RYK: variants seen among roughly 807,000 people sequenced by gnomAD.
RYK encodes the protein inactive tyrosine-protein kinase RYK.
In RYK, 21 loss-of-function variants were observed where a neutral mutation model predicts 70.2. The observed-to-expected ratio is 0.30, with a 90% confidence interval of 0.21 to 0.43. RYK has a LOEUF of 0.43. RYK is among the 20% of genes least tolerant of loss of function. The probability of loss-of-function intolerance (pLI) is 1.00; values close to 1 mark genes in which losing one functional copy is unlikely to be tolerated. For synonymous variants in RYK, 267 were observed against 278.0 expected (o/e 0.96, Z 0.39); for missense variants, 604 against 753.3 (o/e 0.80, Z 2.32).
At position 134,209,790 on chromosome 3, in the gene RYK, G is replaced by C; in HGVS notation, c.494C>G (p.Ser165Cys). Residue 165 changes from serine (S) to cysteine (C), a missense_variant, in exon 4 of 15, where the codon TCT becomes TGT. Physicochemically the swap from Ser to Cys is moderately radical, Grantham distance 112. Transcript: ENST00000623711. Reference protein sequence around the residue: ...VELSCTGKVDSEVMILMQLNL... With the variant: ...VELSCTGKVDCEVMILMQLNL... ...GAGCTGCATTAGTATCATAACTTCA[G>C]AATCTACTTTGCCAGTACAGGAAAG... The C allele has an allele frequency of 6.6e-7, 1 of 1,515,468 alleles. No homozygotes were observed. The highest frequency in any genetic ancestry group is 8.8e-7 in the Non-Finnish European group (1 of 1,133,820). The allele number at this position is 1,515,468 out of a possible 1,614,324, so 93.9% of individuals were successfully genotyped here.
At chr3:134,205,572 G>A (rs919319315) in intron 5 of RYK, among the ~76,000 whole-genome samples, 3 of 152,114 alleles carry the variant, frequency 2.0e-5, no homozygotes, top group Admixed American at 1.3e-4. Context: ...CCAAGGATAC[G>A]GCTCTGCTGG....
chr3:134,246,707 C>T (rs1020460575), intron 1 of RYK, among the ~76,000 whole-genome samples: 2 of 152,150 alleles, frequency 1.3e-5, no homozygotes, highest in Non-Finnish European at 2.9e-5. Context: ...AGGATAGATA[C>T]ATTCAGACAT....
chr3:134,189,193 G>A (rs975746912), intron 8 of RYK, among the ~76,000 whole-genome samples: 3 of 152,178 alleles, frequency 2.0e-5, no homozygotes, highest in African/African-American at 7.2e-5. Flanking sequence ...ATAAACTAAT[G>A]ATATAGCCAG....
At chr3:134,174,128 G>A (rs72986403) in intron 13 of RYK, among the ~76,000 whole-genome samples, 1 of 152,138 alleles carries the variant, frequency 6.6e-6, no homozygotes, top group Non-Finnish European at 1.5e-5. Context: ...TTGGAACAGA[G>A]GGATGGAACC....
intron 10 of RYK, among the ~76,000 whole-genome samples, chr3:134,182,514 CT>C (rs1167463774): frequency 1.3e-5 from 2 of 152,026 alleles, no homozygotes; most frequent in Admixed American, 6.6e-5. Flanking sequence ...ATACCTGTAT[CT>C]AGAGATATGT....
chr3:134,205,129 T>C (rs1264291180), intron 5 of RYK, among the ~76,000 whole-genome samples: 5 of 152,050 alleles, frequency 3.3e-5, no homozygotes, highest in Non-Finnish European at 7.4e-5. Context: ...AAGATAAAAA[T>C]AAGCAGGTTG....
chr3:134,244,411 G>A (rs575037645), intron 1 of RYK, among the ~76,000 whole-genome samples: 1 of 152,250 alleles, frequency 6.6e-6, no homozygotes, highest in Admixed American at 6.5e-5. Flanking sequence ...TTGAGTTTTT[G>A]GTTAATTGCA....
intron 1 of RYK, among the ~76,000 whole-genome samples, chr3:134,243,569 C>T (rs1392710227): frequency 6.6e-6 from 1 of 152,182 alleles, no homozygotes; most frequent in African/African-American, 2.4e-5. Flanking sequence ...TGTGGCGCTC[C>T]ATGGCTTTGC....
intron 7 of RYK, among the ~76,000 whole-genome samples, chr3:134,193,848 CT>C (rs1188590629): frequency 6.6e-6 from 1 of 152,152 alleles, no homozygotes; most frequent in Non-Finnish European, 1.5e-5. Flanking sequence ...TTCCTGTAAA[CT>C]GTAAGTCAGG....
intron 1 of RYK, among the ~76,000 whole-genome samples, chr3:134,236,979 C>G (rs1159151999): frequency 2.0e-5 from 3 of 152,070 alleles, no homozygotes; most frequent in Non-Finnish European, 4.4e-5. Context: ...CCAATTCCAG[C>G]AAAGGAAAAA....
At chr3:134,167,355 G>T (rs2012708954) in intron 13 of RYK, among the ~76,000 whole-genome samples, 1 of 152,102 alleles carries the variant, frequency 6.6e-6, no homozygotes. Context: ...ATACTACAAG[G>T]CTACAGTAAC....
intron 9 of RYK, among the ~76,000 whole-genome samples, chr3:134,188,422 A>C (rs749275732): frequency 1.2e-4 from 18 of 152,092 alleles, no homozygotes; most frequent in Non-Finnish European, 2.4e-4. Flanking sequence ...TCGGCCTCCC[A>C]AAGTGCCGGG....
intron 1 of RYK, among the ~76,000 whole-genome samples, chr3:134,231,396 C>G (rs1462192137): frequency 6.6e-6 from 1 of 152,152 alleles, no homozygotes; most frequent in Non-Finnish European, 1.5e-5. Flanking sequence ...CCAGCCCAAA[C>G]AGAAACTACC....
chr3:134,158,176 C>T lies in RYK; in HGVS notation c.1801G>A (p.Ala601Thr), dbSNP rs368597652. Residue 601 changes from alanine to threonine, a missense_variant, in exon 15 of 15, where the codon GCA (alanine) becomes ACA (threonine). Ala to Thr is a moderately conservative substitution (Grantham distance 58, BLOSUM62 0). Transcript: ENST00000623711. ...AGTCAGACGTAGGCCCCCAGGGCTGCATGAAACTCTGTTAGGCACTGTACC... is the reference window on the plus strand; with the variant it reads ...AGTCAGACGTAGGCCCCCAGGGCTGTATGAAACTCTGTTAGGCACTGTACC... ...QLVQCLTEFH[A>T]ALGAYV 8.5e-5 allele frequency: 132 copies of T among 1,546,610 alleles called. No individual in the cohort carries two copies. Among genetic ancestry groups the T allele is most frequent in the Non-Finnish European group, 1.1e-4 (126 of 1,142,346 alleles).
At chr3:134,174,590 C>A (rs182698731) in intron 13 of RYK, among the ~76,000 whole-genome samples, 68 of 152,090 alleles carry the variant, frequency 4.5e-4, no homozygotes, top group South Asian at 1.2e-3. Context: ...ATATGTGGGA[C>A]CCTATAAGCA....
At chr3:134,185,588 C>T (rs2013435546) in intron 9 of RYK, among the ~76,000 whole-genome samples, 1 of 152,194 alleles carries the variant, frequency 6.6e-6, no homozygotes. Flanking sequence ...TGTCTACAAA[C>T]TGCTTGTGGG....
chr3:134,224,692 C>T (rs537277131), intron 1 of RYK, among the ~76,000 whole-genome samples: 4 of 151,928 alleles, frequency 2.6e-5, no homozygotes, highest in South Asian at 2.1e-4. Flanking sequence ...TGCTAAGTAA[C>T]GGGTGCCTTC....
intron 13 of RYK, among the ~76,000 whole-genome samples, chr3:134,159,976 A>G (rs2012398414): frequency 6.6e-6 from 1 of 152,124 alleles, no homozygotes; most frequent in Non-Finnish European, 1.5e-5. Flanking sequence ...ATTTTGGCCA[A>G]TTCCTGGCTG....
At position 134,241,349 on chromosome 3, in the gene RYK, CA is replaced by C. The variant is rs34002861; in HGVS notation, c.232+9073del. 4.0e-3 allele frequency among the ~76,000 whole-genome samples: 512 copies of C among 129,258 alleles called. 3 individuals are homozygous for C. The highest frequency in any genetic ancestry group is 0.011 in the East Asian group (53 of 4,696). 84.8% of individuals were successfully genotyped at this position (129,258 alleles called of 152,430 possible). ...TGAGAGAAAGAGCAAGACTCTATCT[CA>C]AAAAAAAAAAAAGAAAGGTGACAAA... On this transcript the variant is annotated intron_variant, in intron 1 of 14. Transcript: ENST00000623711.
Sources: gnomAD v4.1 joint callset for allele counts (sites outside exome capture counted in the v4.1 genomes callset) on GRCh38, gnomAD v4.1.1 for gene constraint, MANE v1.5 for transcripts, NCBI Gene and HGNC (gene_info 2026-07-23, HGNC 2026-07-21) for gene names.